The following SBNO1 variants were observed in gnomAD, a reference collection of about 807,000 sequenced individuals.
The protein encoded by SBNO1 is strawberry notch homolog 1.
A neutral mutation model predicts 173.6 loss-of-function variants in SBNO1; 23 were observed. That is an observed-to-expected ratio of 0.13 (90% CI 0.10 to 0.19). SBNO1 has a LOEUF of 0.19. Ranked by LOEUF, SBNO1 falls within the 10% of genes least tolerant of loss-of-function variation. The probability of loss-of-function intolerance (pLI) is 1.00; values close to 1 mark genes in which losing one functional copy is unlikely to be tolerated. For synonymous variants in SBNO1, 632 were observed against 571.5 expected (o/e 1.11, Z -1.51); for missense variants, 1,238 against 1,671.2 (o/e 0.74, Z 4.52).
chr12:123,345,178 A>C lies in SBNO1; in HGVS notation c.550+80T>G. 3.2e-6 allele frequency: 4 copies of C among 1,235,356 alleles called. 1 individual carries two copies. The highest frequency in any genetic ancestry group is 4.6e-6 in the Non-Finnish European group (4 of 868,540). 76.5% of individuals were successfully genotyped at this position (1,235,356 alleles called of 1,614,324 possible). A position where few individuals can be genotyped will look rare whatever the true frequency, so the allele number is the denominator to read the frequency against. On this transcript the variant is annotated intron_variant, in intron 4 of 31. Coordinates refer to ENST00000602398, the MANE Select transcript of SBNO1 (RefSeq NM_001167856.3). ...CCCTTTTATGGCCAGTTCTTTAAAAACCCAAGCAAATCGTTTAAAAAAACA... is the reference window on the plus strand; with the variant it reads ...CCCTTTTATGGCCAGTTCTTTAAAACCCCAAGCAAATCGTTTAAAAAAACA...
intron 16 of SBNO1, among the ~76,000 whole-genome samples, chr12:123,322,815 G>C (rs55634633): frequency 0.021 from 3,204 of 151,506 alleles, 43 homozygotes; most frequent in Non-Finnish European, 0.03. Flanking sequence ...AGGAGGCAGA[G>C]GTTGCAGTGA....
chr12:123,349,517 A>G (rs1439799772), intron 2 of SBNO1, among the ~76,000 whole-genome samples: 1 of 152,232 alleles, frequency 6.6e-6, no homozygotes, highest in Non-Finnish European at 1.5e-5. Flanking sequence ...AACACTAAAC[A>G]TCTCTTACAC....
intron 1 of SBNO1, among the ~76,000 whole-genome samples, chr12:123,360,998 C>A (rs1337005233): frequency 6.6e-6 from 1 of 151,942 alleles, no homozygotes; most frequent in Non-Finnish European, 1.5e-5. Context: ...ATAATCCCAG[C>A]ACTTTGGAAG....
At chr12:123,332,227 A>C (rs1334435351) in intron 7 of SBNO1, among the ~76,000 whole-genome samples, 1 of 152,212 alleles carries the variant, frequency 6.6e-6, no homozygotes, top group Non-Finnish European at 1.5e-5. Context: ...AAAGTTAACA[A>C]ATTAGTGAGG....
At chr12:123,298,410 TTTGTTG>T (rs528630058) in intron 30 of SBNO1, among the ~76,000 whole-genome samples, 2 of 151,886 alleles carry the variant, frequency 1.3e-5, no homozygotes, top group Non-Finnish European at 2.9e-5. Flanking sequence ...GGGACTTTTT[TTTGTTG>T]TTGTTGTTGT....
chr12:123,327,805 A>G lies in SBNO1; in HGVS notation c.1440T>C (p.Ser480=). Reference sequence around the variant, plus strand: ...TCATATAGGCCATGTTGCGTGGTTCAGAAGCACCTGAAAATCCCACAAATG... The same window carrying G: ...TCATATAGGCCATGTTGCGTGGTTCGGAAGCACCTGAAAATCCCACAAATG... ...RVVYASATGA[S]EPRNMAYMNR... Residue 480 remains serine, a synonymous_variant, in exon 12 of 32, where the codon TCT becomes TCC. Coordinates refer to ENST00000602398, the MANE Select transcript of SBNO1 (RefSeq NM_001167856.3). 6.2e-7 allele frequency: 1 copy of G among 1,613,486 alleles called. No homozygotes were observed. The highest frequency in any genetic ancestry group is 1.1e-5 in the South Asian group (1 of 91,014).
At chr12:123,337,935 G>A (rs1358913780) in intron 5 of SBNO1, among the ~76,000 whole-genome samples, 1 of 152,050 alleles carries the variant, frequency 6.6e-6, no homozygotes, top group East Asian at 1.9e-4. Flanking sequence ...ATAACTGAAG[G>A]ATAAGTTGGT....
In SBNO1 at chr12:123,290,792, C is replaced by G. The variant is rs1354513156; in HGVS notation, c.*5116G>C. The stretch of plus-strand genomic sequence containing the variant: ...TCGGTCTGTTGCCCAGGCTGGAGTG[C>G]AGTGGCGCGATCTGGGCTCACTGCA... On this transcript the variant is annotated 3_prime_UTR_variant, in exon 32 of 32. Coordinates refer to ENST00000602398, the MANE Select transcript of SBNO1 (RefSeq NM_001167856.3). 6.6e-6 allele frequency: 1 copy of G among 151,910 alleles called. No individual in the cohort carries two copies. Among genetic ancestry groups the G allele is most frequent in the African/African-American group, 2.4e-5 (1 of 41,286 alleles). 9.4% of individuals were successfully genotyped at this position (151,910 alleles called of 1,614,324 possible). A position where few individuals can be genotyped will look rare whatever the true frequency, so the allele number is the denominator to read the frequency against.
intron 1 of SBNO1, among the ~76,000 whole-genome samples, chr12:123,351,938 A>G (rs959592154): frequency 1.3e-5 from 2 of 152,184 alleles, no homozygotes; most frequent in African/African-American, 4.8e-5. Flanking sequence ...CACCGAGCCC[A>G]GAAGACCTAA....
rs2048497077 is a variant in SBNO1, at chr12:123,290,632, C to CT, written c.*5275_*5276insA. 3.3e-5 allele frequency: 5 copies of CT among 152,236 alleles called. No homozygotes were observed. Among genetic ancestry groups the CT allele is most frequent in the Admixed American group, 3.3e-4 (5 of 15,284 alleles). 9.4% of individuals were successfully genotyped at this position (152,236 alleles called of 1,614,324 possible). The stretch of plus-strand genomic sequence containing the variant: ...CAGGGTACCCCAGGGACCAGTGCTG[C>CT]AATGGGAATCTGCTTGTCTCACCCT... On this transcript the variant is annotated 3_prime_UTR_variant, in exon 32 of 32. Coordinates refer to ENST00000602398, the MANE Select transcript of SBNO1 (RefSeq NM_001167856.3).
chr12:123,322,920 A>G (rs1870167992), intron 16 of SBNO1, among the ~76,000 whole-genome samples: 1 of 152,114 alleles, frequency 6.6e-6, no homozygotes, highest in African/African-American at 2.4e-5. Context: ...GCTCTTTTAA[A>G]GAAAACTACT....
At chr12:123,308,469 GACCA>G (rs1469402550) in intron 28 of SBNO1, among the ~76,000 whole-genome samples, 3 of 151,984 alleles carry the variant, frequency 2.0e-5, no homozygotes, top group Non-Finnish European at 4.4e-5. Context: ...AGGAGATCGA[GACCA>G]TCTTGGCTAA....
chr12:123,355,368 C>T (rs913934766), intron 1 of SBNO1, among the ~76,000 whole-genome samples: 28 of 151,956 alleles, frequency 1.8e-4, no homozygotes, highest in Non-Finnish European at 2.9e-4. Context: ...AATAAAAAAA[C>T]GCTGGGCACG....
intron 24 of SBNO1, among the ~76,000 whole-genome samples, chr12:123,313,093 C>T (rs912196643): frequency 6.6e-6 from 1 of 151,780 alleles, no homozygotes; most frequent in African/African-American, 2.4e-5. Context: ...ATCTCAGCTA[C>T]TCAGGAGGCT....
intron 24 of SBNO1, among the ~76,000 whole-genome samples, chr12:123,311,748 A>ATTTTT (rs148426880): frequency 7.4e-6 from 1 of 134,370 alleles, no homozygotes; most frequent in African/African-American, 2.9e-5. Flanking sequence ...ATATATATAT[A>ATTTTT]TTTTTGCGAC....
chr12:123,335,901 G>C (rs995522874), intron 6 of SBNO1, among the ~76,000 whole-genome samples: 1 of 152,010 alleles, frequency 6.6e-6, no homozygotes, highest in Admixed American at 6.6e-5. Context: ...TTGATAAAAA[G>C]AGAATTGTAG....
intron 25 of SBNO1, among the ~76,000 whole-genome samples, chr12:123,310,819 C>A (rs1048797790): frequency 6.6e-5 from 10 of 152,116 alleles, no homozygotes; most frequent in Non-Finnish European, 1.5e-4. Context: ...AGGCGTGAGC[C>A]ACCGTGCCCA....
intron 28 of SBNO1, among the ~76,000 whole-genome samples, chr12:123,308,555 C>T (rs374343233): frequency 2.0e-4 from 31 of 151,950 alleles, no homozygotes; most frequent in East Asian, 1.6e-3. Context: ...GCCTGTAGTC[C>T]CTGCTACTCT....
At chr12:123,322,487 G>GGGGTTTCGCCATGTTGGCCAGGC (rs1870100101) in intron 16 of SBNO1, among the ~76,000 whole-genome samples, 1 of 152,104 alleles carries the variant, frequency 6.6e-6, no homozygotes, top group Non-Finnish European at 1.5e-5. Flanking sequence ...TAGTAGAGAA[G>GGGGTTTCGCCATGTTGGCCAGGC]GGGTTTCGCC....
Sources: allele counts gnomAD v4.1 joint callset (sites outside exome capture counted in the v4.1 genomes callset), GRCh38; gene constraint gnomAD v4.1.1; transcripts MANE v1.5; gene names NCBI Gene and HGNC (gene_info 2026-07-23, HGNC 2026-07-21).